NELL1: variants seen among roughly 807,000 people sequenced by gnomAD.
NELL1 encodes the protein protein kinase C-binding protein NELL1.
Under a neutral mutation model 107.4 loss-of-function variants are expected in NELL1, and 76 were observed. That is an observed-to-expected ratio of 0.71 (90% CI 0.59 to 0.86). The LOEUF is 0.86. Among genes scored for constraint, NELL1 ranks in the 40% least tolerant of loss-of-function variants. The pLI is 0.00. For missense variants in NELL1, 1,024 were observed against 1,005.5 expected (o/e 1.02, Z -0.25); for synonymous variants, 353 against 341.2 (o/e 1.03, Z -0.38).
intron 3 of NELL1, among the ~76,000 whole-genome samples, chr11:20,788,954 A>G (rs185517473): frequency 2.6e-5 from 4 of 152,296 alleles, no homozygotes; most frequent in Non-Finnish European, 1.5e-5. Flanking sequence ...TCTTTTGCAT[A>G]TGAATATCCA....
chr11:21,059,226 T>A (rs2134359634), intron 12 of NELL1, among the ~76,000 whole-genome samples: 1 of 151,644 alleles, frequency 6.6e-6, no homozygotes, highest in African/African-American at 2.4e-5. Flanking sequence ...ACACTTTGAG[T>A]TTCCAAGCTT....
At chr11:20,822,954 G>A (rs1412370521) in intron 3 of NELL1, among the ~76,000 whole-genome samples, 1 of 152,166 alleles carries the variant, frequency 6.6e-6, no homozygotes, top group Non-Finnish European at 1.5e-5. Flanking sequence ...ATGAGCTCTG[G>A]TGGTACACCT....
chr11:20,776,541 C>G (rs1057475438), intron 2 of NELL1, among the ~76,000 whole-genome samples: 1 of 151,962 alleles, frequency 6.6e-6, no homozygotes, highest in African/African-American at 2.4e-5. Context: ...TAATCTCTGA[C>G]AATTGTGATA....
chr11:21,520,528 G>A (rs1855694142), intron 15 of NELL1, among the ~76,000 whole-genome samples: 1 of 152,160 alleles, frequency 6.6e-6, no homozygotes, highest in African/African-American at 2.4e-5. Flanking sequence ...ATATGATGAT[G>A]ATAAGAGTGG....
intron 15 of NELL1, among the ~76,000 whole-genome samples, chr11:21,468,829 AG>A (rs1290210019): frequency 6.6e-6 from 1 of 152,050 alleles, no homozygotes; most frequent in Non-Finnish European, 1.5e-5. Flanking sequence ...TTCATCTGAA[AG>A]CAGGTTTGCA....
At chr11:20,756,320 A>T (rs1029888815) in intron 2 of NELL1, among the ~76,000 whole-genome samples, 1 of 151,560 alleles carries the variant, frequency 6.6e-6, no homozygotes, top group African/African-American at 2.4e-5. Context: ...CTGATATTTT[A>T]GGTCAGATAA....
rs774078886 is a variant in NELL1, at chr11:21,560,275, C to A, written c.1873C>A (p.Pro625Thr). Residue 625 changes from proline to threonine, a missense_variant, in exon 17 of 20, where the codon CCC (proline) becomes ACC (threonine). Pro to Thr is a conservative substitution (Grantham distance 38). Coordinates refer to ENST00000357134, the MANE Select transcript of NELL1 (RefSeq NM_006157.5). Reference protein sequence around the residue: ...NLAGGFDCLCPSGPSCSGDCP... With the variant: ...NLAGGFDCLCTSGPSCSGDCP... Reference sequence around the variant, plus strand: ...GGCAGGGGGCTTTGACTGTCTCTGCCCCTCTGGGCCCTCCTGCTCTGGTGA... The same window carrying A: ...GGCAGGGGGCTTTGACTGTCTCTGCACCTCTGGGCCCTCCTGCTCTGGTGA... 7.4e-6 allele frequency: 12 copies of A among 1,613,436 alleles called. No homozygotes were observed. The Admixed American group carries it at 8.3e-5, about 11-fold the overall frequency.
intron 15 of NELL1, among the ~76,000 whole-genome samples, chr11:21,435,901 G>A (rs1035813825): frequency 6.6e-6 from 1 of 152,012 alleles, no homozygotes; most frequent in African/African-American, 2.4e-5. Flanking sequence ...CTTTAGAATA[G>A]TATAAGAAAA....
chr11:21,529,554 TTGG>T (rs146686481), intron 15 of NELL1, among the ~76,000 whole-genome samples: 22,595 of 152,094 alleles, frequency 0.15, 1,837 homozygotes, highest in African/African-American at 0.21. Flanking sequence ...GTGAAGTTTT[TTGG>T]TGACCAAGAG....
chr11:21,183,348 A>G (rs1856867896), intron 13 of NELL1, among the ~76,000 whole-genome samples: 1 of 151,866 alleles, frequency 6.6e-6, no homozygotes, highest in African/African-American at 2.4e-5. Flanking sequence ...GATATTAGAA[A>G]CATTTAAATG....
At chr11:21,066,237 G>A (rs964858793) in intron 12 of NELL1, among the ~76,000 whole-genome samples, 4 of 152,076 alleles carry the variant, frequency 2.6e-5, no homozygotes, top group Non-Finnish European at 5.9e-5. Flanking sequence ...TGTTCTCTTA[G>A]TACACCATTT....
At chr11:21,293,306 A>G (rs920650190) in intron 14 of NELL1, among the ~76,000 whole-genome samples, 1 of 152,200 alleles carries the variant, frequency 6.6e-6, no homozygotes, top group Non-Finnish European at 1.5e-5. Context: ...AAAAGAAGAC[A>G]TGCAGCTAAC....
At chr11:20,915,719 T>A (rs3046303) in intron 5 of NELL1, among the ~76,000 whole-genome samples, 686 of 24,234 alleles carry the variant, frequency 0.028, 11 homozygotes, top group Middle Eastern at 0.045. Flanking sequence ...ATATATATAT[T>A]TTTTTTTTTT....
At chr11:20,731,476 T>C (rs1239084307) in intron 2 of NELL1, among the ~76,000 whole-genome samples, 1 of 152,152 alleles carries the variant, frequency 6.6e-6, no homozygotes, top group Non-Finnish European at 1.5e-5. Flanking sequence ...AGTGTGTGCA[T>C]TAAAGGTGGA....
intron 13 of NELL1, among the ~76,000 whole-genome samples, chr11:21,210,692 A>C (rs1857479561): frequency 6.6e-6 from 1 of 152,176 alleles, no homozygotes; most frequent in African/African-American, 2.4e-5. Context: ...AATTTTTTGC[A>C]AAAGAAATGC....
At chr11:21,404,299 A>G (rs1261949699) in intron 15 of NELL1, among the ~76,000 whole-genome samples, 1 of 151,962 alleles carries the variant, frequency 6.6e-6, no homozygotes, top group Non-Finnish European at 1.5e-5. Flanking sequence ...CTCAAAATGA[A>G]CTGGCTGAGT....
chr11:20,760,006 G>A (rs547272072), intron 2 of NELL1, among the ~76,000 whole-genome samples: 17 of 152,314 alleles, frequency 1.1e-4, no homozygotes, highest in Non-Finnish European at 2.5e-4. Flanking sequence ...CTGGGGAGGA[G>A]AGAGAGATAC....
intron 3 of NELL1, among the ~76,000 whole-genome samples, chr11:20,808,953 A>G (rs2134010836): frequency 6.6e-6 from 1 of 152,372 alleles, no homozygotes; most frequent in East Asian, 1.9e-4. Context: ...AAAACCAGGT[A>G]CTGTGATTGG....
chr11:21,560,095 C>T (rs898701671), intron 16 of NELL1, 94 bp from the exon 17 acceptor site: 22 of 1,176,210 alleles, frequency 1.9e-5, no homozygotes, highest in South Asian at 5.0e-5. Context: ...GGTAAATGGT[C>T]GATGATGTTA....
Sources: allele counts gnomAD v4.1 joint callset (sites outside exome capture counted in the v4.1 genomes callset), GRCh38; gene constraint gnomAD v4.1.1; transcripts MANE v1.5; gene names NCBI Gene and HGNC (gene_info 2026-07-23, HGNC 2026-07-21).